The following PRKG1 variants were observed in gnomAD, a reference collection of about 807,000 sequenced individuals.
PRKG1 encodes cGMP-dependent protein kinase 1.
In PRKG1, 35 loss-of-function variants were observed where a neutral mutation model predicts 88.1. That is an observed-to-expected ratio of 0.40 (90% confidence interval 0.30 to 0.53). PRKG1 has a LOEUF of 0.53. Ranked by LOEUF, PRKG1 falls within the 20% of genes least tolerant of loss-of-function variation. PRKG1 has a pLI of 0.59. For synonymous variants in PRKG1, 303 were observed against 292.5 expected, an observed-to-expected ratio of 1.04 and a Z score of -0.37; for missense variants, 540 against 839.8, an observed-to-expected ratio of 0.64 and a Z score of 4.41.
At chr10:51,680,849 A>G (rs1440610705) in intron 3 of PRKG1, among the ~76,000 whole-genome samples, 1 of 152,216 alleles carries the variant, frequency 6.6e-6, no homozygotes, top group Non-Finnish European at 1.5e-5. Flanking sequence ...CTGAATCCTC[A>G]TTGCTTGTAA....
chr10:51,126,344 A>G (rs1222727316), intron 1 of PRKG1, among the ~76,000 whole-genome samples: 1 of 128,728 alleles, frequency 7.8e-6, no homozygotes, highest in Non-Finnish European at 1.6e-5. Context: ...ATATTATTTT[A>G]TACTTTATAT....
At chr10:51,904,271 T>C (rs1450622393) in intron 4 of PRKG1, among the ~76,000 whole-genome samples, 1 of 152,146 alleles carries the variant, frequency 6.6e-6, no homozygotes, top group Non-Finnish European at 1.5e-5. Flanking sequence ...TCTTCTCTAA[T>C]GTTTAAACAT....
intron 5 of PRKG1, among the ~76,000 whole-genome samples, chr10:51,992,272 TG>T (rs990197201): frequency 1.3e-5 from 2 of 152,132 alleles, no homozygotes; most frequent in Non-Finnish European, 2.9e-5. Flanking sequence ...GTATAGAAAA[TG>T]TGCACACAGA....
chr10:51,057,467 A>G (rs1405079975), intron 1 of PRKG1, among the ~76,000 whole-genome samples: 1 of 152,178 alleles, frequency 6.6e-6, no homozygotes, highest in Non-Finnish European at 1.5e-5. Flanking sequence ...ATAAGTCTTC[A>G]ATGAGTTATC....
intron 3 of PRKG1, among the ~76,000 whole-genome samples, chr10:51,593,241 A>G (rs192369943): frequency 3.0e-4 from 45 of 152,316 alleles, no homozygotes; most frequent in African/African-American, 1.0e-3. Flanking sequence ...TACATTTCTC[A>G]TATACAAATT....
chr10:52,244,897 A>T (rs1013492582), intron 9 of PRKG1, among the ~76,000 whole-genome samples: 9 of 59,194 alleles, frequency 1.5e-4, no homozygotes, highest in South Asian at 1.9e-3. Context: ...ATACTTTTTT[A>T]ATAAACTTTT....
At chr10:52,243,553 A>G (rs540477958) in intron 9 of PRKG1, among the ~76,000 whole-genome samples, 1 of 152,162 alleles carries the variant, frequency 6.6e-6, no homozygotes, top group Non-Finnish European at 1.5e-5. Flanking sequence ...CTCTGCTGTC[A>G]TGTTTAAAAG....
At chr10:51,554,605 C>T (rs1837262114) in intron 3 of PRKG1, among the ~76,000 whole-genome samples, 1 of 151,260 alleles carries the variant, frequency 6.6e-6, no homozygotes, top group South Asian at 2.1e-4. Flanking sequence ...CCTCTGTGGT[C>T]CAGTAGTAGC....
intron 2 of PRKG1, among the ~76,000 whole-genome samples, chr10:51,292,919 A>G (rs767948339): frequency 1.6e-4 from 24 of 151,892 alleles, no homozygotes; most frequent in African/African-American, 5.6e-4. Flanking sequence ...ATTCTTATTT[A>G]TTTCTCTAAT....
At chr10:51,856,437 A>C (rs1840681143) in intron 4 of PRKG1, among the ~76,000 whole-genome samples, 1 of 152,324 alleles carries the variant, frequency 6.6e-6, no homozygotes, top group South Asian at 2.1e-4. Flanking sequence ...CTAATTTTGC[A>C]TGGGAAGCCA....
chr10:51,675,921 C>T (rs1840698622), intron 3 of PRKG1, among the ~76,000 whole-genome samples: 1 of 152,034 alleles, frequency 6.6e-6, no homozygotes, highest in African/African-American at 2.4e-5. Flanking sequence ...CCACCCATTT[C>T]ACCAGCCTGT....
intron 3 of PRKG1, among the ~76,000 whole-genome samples, chr10:51,481,189 C>CTCCG (rs1840345522): frequency 6.8e-6 from 1 of 148,072 alleles, no homozygotes; most frequent in South Asian, 2.3e-4. Context: ...CCCTCCTTCC[C>CTCCG]TCCCTCTCTC....
At chr10:51,855,587 C>T (rs1840660261) in intron 4 of PRKG1, among the ~76,000 whole-genome samples, 1 of 152,188 alleles carries the variant, frequency 6.6e-6, no homozygotes. Context: ...GAATTTGCTT[C>T]TAAATCCCAG....
At chr10:51,021,136 C>T (rs921733815) in intron 1 of PRKG1, among the ~76,000 whole-genome samples, 4 of 152,036 alleles carry the variant, frequency 2.6e-5, no homozygotes, top group Non-Finnish European at 5.9e-5. Context: ...GAATCGAGAC[C>T]AGAGTTATCA....
At chr10:51,756,517 A>AT (rs1837867345) in intron 3 of PRKG1, among the ~76,000 whole-genome samples, 1 of 150,538 alleles carries the variant, frequency 6.6e-6, no homozygotes. Context: ...AGAGCCTACA[A>AT]TTAAAAATAA....
chr10:52,246,345 G>A (rs540907802), intron 9 of PRKG1, among the ~76,000 whole-genome samples: 3 of 152,250 alleles, frequency 2.0e-5, no homozygotes, highest in Non-Finnish European at 2.9e-5. Flanking sequence ...ATACTGTGCA[G>A]ATACGTGATT....
chr10:51,708,202 G>A (rs570492597), intron 3 of PRKG1, among the ~76,000 whole-genome samples: 25 of 152,230 alleles, frequency 1.6e-4, no homozygotes, highest in African/African-American at 5.5e-4. Context: ...GCAAATGGCT[G>A]CCTCCTCAGT....
chr10:52,119,450 G>A (rs1847764734), intron 7 of PRKG1, among the ~76,000 whole-genome samples: 1 of 152,116 alleles, frequency 6.6e-6, no homozygotes, highest in African/African-American at 2.4e-5. Context: ...CCAGTTTTGA[G>A]GTATTTTAGG....
intron 5 of PRKG1, among the ~76,000 whole-genome samples, chr10:52,047,913 T>C (rs895546845): frequency 1.3e-5 from 2 of 152,278 alleles, no homozygotes; most frequent in Non-Finnish European, 2.9e-5. Context: ...CAAGATCATA[T>C]TGATTAATCT....
Sources: allele counts gnomAD v4.1 joint callset (sites outside exome capture counted in the v4.1 genomes callset), GRCh38; gene constraint gnomAD v4.1.1; transcripts MANE v1.5; gene names NCBI Gene and HGNC (gene_info 2026-07-23, HGNC 2026-07-21).